DNAH14: variants seen among roughly 807,000 people sequenced by gnomAD.
DNAH14 encodes axonemal beta dynein heavy chain 14.
A neutral mutation model predicts 520.9 loss-of-function variants in DNAH14; 478 were observed. That is an observed-to-expected ratio of 0.92 (90% CI 0.85 to 0.99). The LOEUF is 0.99. DNAH14 is among the 50% of genes least tolerant of loss of function. The pLI, the probability that DNAH14 is intolerant of heterozygous loss-of-function variation, is 0.00. For missense variants in DNAH14, 4,831 were observed against 5,234.5 expected (o/e 0.92, Z 2.38); for synonymous variants, 1,581 against 1,757.2 (o/e 0.90, Z 2.51).
chr1:225,129,533 T>A (rs1014345284), intron 27 of DNAH14, among the ~76,000 whole-genome samples: 46 of 152,308 alleles, frequency 3.0e-4, no homozygotes, highest in African/African-American at 1.1e-3. Flanking sequence ...AACCATCTGA[T>A]CTTTGAGAAA....
chr1:225,290,694 T>TATATATATA (rs1574554023), intron 55 of DNAH14, among the ~76,000 whole-genome samples: 2 of 119,130 alleles, frequency 1.7e-5, no homozygotes, highest in East Asian at 2.6e-4. Flanking sequence ...TATATATATA[T>TATATATATA]TTCCTCCAAG....
intron 5 of DNAH14, among the ~76,000 whole-genome samples, chr1:224,965,932 TA>T (rs1232997274): frequency 1.3e-5 from 2 of 152,182 alleles, no homozygotes; most frequent in African/African-American, 4.8e-5. Context: ...AGAATATGAT[TA>T]AACACTTGTT....
intron 66 of DNAH14, 34 bp downstream of exon 66, chr1:225,333,540 C>A: frequency 6.6e-7 from 1 of 1,504,912 alleles, no homozygotes; most frequent in Non-Finnish European, 9.0e-7. Context: ...AGTTAAGTGG[C>A]TATTATTGTT....
intron 75 of DNAH14, among the ~76,000 whole-genome samples, chr1:225,364,042 C>T (rs1027293820): frequency 1.3e-5 from 2 of 152,088 alleles, no homozygotes; most frequent in African/African-American, 2.4e-5. Context: ...TGGGTTTTAG[C>T]TGATATTTTC....
intron 57 of DNAH14, among the ~76,000 whole-genome samples, chr1:225,304,707 T>G (rs1023598168): frequency 1.3e-5 from 2 of 152,158 alleles, no homozygotes; most frequent in Non-Finnish European, 2.9e-5. Flanking sequence ...ATGCCATTCA[T>G]AGTTAGCTCT....
At chr1:225,256,678 A>T (rs2092748360) in intron 44 of DNAH14, among the ~76,000 whole-genome samples, 1 of 152,204 alleles carries the variant, frequency 6.6e-6, no homozygotes, top group Non-Finnish European at 1.5e-5. Flanking sequence ...ACCACATTAT[A>T]GGTGTGGTGA....
At chr1:224,961,215 CA>C (rs1219168636) in intron 4 of DNAH14, 1 of 152,076 alleles carries the variant, frequency 6.6e-6, no homozygotes, top group Non-Finnish European at 1.5e-5. Context: ...ATAGAGCCTC[CA>C]AATGAGAATC....
At chr1:225,296,943 G>T (rs140592180) in intron 55 of DNAH14, among the ~76,000 whole-genome samples, 2 of 152,120 alleles carry the variant, frequency 1.3e-5, no homozygotes, top group Non-Finnish European at 2.9e-5. Context: ...CAGTTTGACT[G>T]TAATGTTCCT....
rs2065899070 is a variant in DNAH14 at position 225,023,858 on chromosome 1, C to T, written c.1351C>T (p.Leu451Phe). Residue 451 changes from leucine to phenylalanine, a missense_variant, in exon 11 of 86, where the codon CTT (leucine) becomes TTT (phenylalanine). Transcript: ENST00000682510. ...TTCAGTGGAAAAAAAGAATGAAAAT[C>T]TTATCAGGTAAATTACTTTTTTGAA... ...PFSVEKKNEN[L>F]IRTFKDNSFP... The T allele has an allele frequency of 1.3e-6, 2 of 1,528,598 alleles. No individual in the cohort carries two copies. Among genetic ancestry groups the T allele is most frequent in the Middle Eastern group, 1.9e-4 (1 of 5,376 alleles). The allele number at this position is 1,528,598 out of a possible 1,614,324, so 94.7% of individuals were successfully genotyped here. A position where few individuals can be genotyped will look rare whatever the true frequency, so the allele number is the denominator to read the frequency against.
chr1:225,070,906 G>A (rs1001669966), intron 17 of DNAH14, among the ~76,000 whole-genome samples: 10 of 152,266 alleles, frequency 6.6e-5, no homozygotes, highest in Non-Finnish European at 1.3e-4. Flanking sequence ...AGGTTTTCTT[G>A]TTGAATTGAA....
intron 10 of DNAH14, among the ~76,000 whole-genome samples, chr1:225,010,768 T>G (rs889418071): frequency 6.6e-6 from 1 of 152,198 alleles, no homozygotes; most frequent in Non-Finnish European, 1.5e-5. Context: ...TGCCTCAATT[T>G]CAGAACTTGT....
chr1:225,388,466 G>A lies in DNAH14; in HGVS notation c.13165G>A (p.Val4389Met). The A allele has an allele frequency of 6.5e-7, 1 of 1,533,572 alleles. No homozygotes were observed. Among genetic ancestry groups the A allele is most frequent in the Non-Finnish European group, 8.8e-7 (1 of 1,132,190 alleles). 95.0% of individuals were successfully genotyped at this position (1,533,572 alleles called of 1,614,324 possible). A position where few individuals can be genotyped will look rare whatever the true frequency, so the allele number is the denominator to read the frequency against. Reference protein sequence around the residue: ...RLNFFNTWAKVAYTAIQRRYM... With the variant: ...RLNFFNTWAKMAYTAIQRRYM... ...GAATTTCTTCAATACTTGGGCCAAA[G>A]TGGCTTATACTGCAATACAGCGTCG... Residue 4389 changes from valine to methionine, a missense_variant, in exon 82 of 86, where the codon GTG becomes ATG. By Grantham distance (21) the Val-to-Met change is conservative. Transcript: ENST00000682510.
chr1:225,196,518 TCTGGGTA>T (rs1413310733), intron 38 of DNAH14, among the ~76,000 whole-genome samples: 1 of 152,214 alleles, frequency 6.6e-6, no homozygotes, highest in East Asian at 1.9e-4. Flanking sequence ...GTTCTTTTCC[TCTGGGTA>T]GATACCCAGT....
intron 4 of DNAH14, 66 bp downstream of exon 4, chr1:224,960,368 G>C (rs2060770031): frequency 7.1e-7 from 1 of 1,412,358 alleles, no homozygotes; most frequent in East Asian, 2.6e-5. Flanking sequence ...TCTGTGGTTT[G>C]TGTGCTTATA....
intron 22 of DNAH14, 90 bp downstream of exon 22, chr1:225,097,329 GAACA>G: frequency 1.6e-6 from 2 of 1,253,206 alleles, no homozygotes; most frequent in South Asian, 3.6e-5. Context: ...TTTCTTCAAT[GAACA>G]AACTATCTTA....
chr1:225,051,665 G>A lies in DNAH14; in HGVS notation c.2294G>A (p.Arg765His), dbSNP rs532732452. ...ATTGTGAATATGGCCATTGAGAAGC[G>A]TATTGGTATTTTCAACGTTGTAAGT... ...RHIVNMAIEK[R>H]IGIFNVVSLD... Residue 765 changes from arginine (R) to histidine (H), a missense_variant, in exon 17 of 86, where the codon CGT (arginine) becomes CAT (histidine). Transcript: ENST00000682510. 1.1e-4 allele frequency: 166 copies of A among 1,550,962 alleles called. 1 individual carries two copies. Among genetic ancestry groups the A allele is most frequent in the South Asian group, 1.0e-3 (88 of 84,026 alleles).
At chr1:225,078,898 C>CTCTCT (rs2072759241) in intron 17 of DNAH14, among the ~76,000 whole-genome samples, 1 of 131,254 alleles carries the variant, frequency 7.6e-6, no homozygotes, top group African/African-American at 3.0e-5. Context: ...CTCTCTCTCT[C>CTCTCT]CCCGCTTTTC....
rs1464413575 is a variant in DNAH14, at chr1:225,345,998, T to G, written c.10715T>G (p.Leu3572Ter). The change falls in exon 70 of 86, where the codon TTA (leucine) becomes TGA (stop). Residue 3572 changes from leucine (L) to a stop codon, truncating the protein, a stop_gained. Coordinates refer to ENST00000682510, the MANE Select transcript of DNAH14 (RefSeq NM_001367479.1). LOFTEE classifies it high-confidence loss of function. Reference sequence around the variant, plus strand: ...GATGATGACAAAATTGTAGATACCTTAAGAAAATCCAAAATGACATCAAAC... The same window carrying G: ...GATGATGACAAAATTGTAGATACCTGAAGAAAATCCAAAATGACATCAAAC... ...ILDDDKIVDT[L>*]RKSKMTSNEI... is the part of the protein sequence containing the mutation. 1.3e-6 allele frequency: 2 copies of G among 1,551,230 alleles called. No homozygotes were observed. The highest frequency in any genetic ancestry group is 1.4e-5 in the African/African-American group (1 of 72,972).
In DNAH14 at chr1:225,038,689, T is replaced by C. The variant is rs771304592; in HGVS notation, c.1359-5T>C. 8.5e-6 allele frequency: 13 copies of C among 1,525,476 alleles called. No individual in the cohort carries two copies. Among genetic ancestry groups the C allele is most frequent in the Non-Finnish European group, 9.7e-6 (11 of 1,139,756 alleles). 94.5% of individuals were successfully genotyped at this position (1,525,476 alleles called of 1,614,324 possible). The stretch of plus-strand genomic sequence containing the variant: ...TGATTTTTTTCTTCCCATTTCTTAA[T>C]CCAGAACATTCAAGGACAACTCTTT... On this transcript the variant is annotated splice_polypyrimidine_tract_variant and splice_region_variant and intron_variant, in intron 11 of 85. Transcript: ENST00000682510.
Sources: gnomAD v4.1 joint callset for allele counts (sites outside exome capture counted in the v4.1 genomes callset) on GRCh38, gnomAD v4.1.1 for gene constraint, MANE v1.5 for transcripts, NCBI Gene and HGNC (gene_info 2026-07-23, HGNC 2026-07-21) for gene names.